FLT1: variants seen among roughly 807,000 people sequenced by gnomAD.
The protein encoded by FLT1 is vascular endothelial growth factor receptor 1.
Under a neutral mutation model 156.3 loss-of-function variants are expected in FLT1, and 49 were observed. The observed-to-expected ratio is 0.31, with a 90% CI of 0.25 to 0.40. The LOEUF is 0.40. Ranked by LOEUF, FLT1 falls within the 10% of genes least tolerant of loss-of-function variation. The probability of loss-of-function intolerance (pLI) is 1.00; values close to 1 mark genes in which losing one functional copy is unlikely to be tolerated. For missense variants in FLT1, 1,322 were observed against 1,637.2 expected, an observed-to-expected ratio of 0.81 and a Z score of 3.32; for synonymous variants, 594 against 583.8, an observed-to-expected ratio of 1.02 and a Z score of -0.25.
chr13:28,465,858 G>A (rs1237909620), intron 3 of FLT1, among the ~76,000 whole-genome samples: 2 of 142,610 alleles, frequency 1.4e-5, no homozygotes, highest in Non-Finnish European at 1.5e-5. Context: ...AAACAACAAC[G>A]AAAAAGAACT....
intron 14 of FLT1, among the ~76,000 whole-genome samples, chr13:28,374,813 C>T (rs1463738268): frequency 6.6e-6 from 1 of 152,072 alleles, no homozygotes; most frequent in Non-Finnish European, 1.5e-5. Context: ...GTGCCCGGCC[C>T]TCCTATTTCT....
At chr13:28,319,826 G>A in intron 23 of FLT1, among the ~76,000 whole-genome samples, 1 of 152,124 alleles carries the variant, frequency 6.6e-6, no homozygotes, top group South Asian at 2.1e-4. Context: ...CACAAAGAAA[G>A]CCTGCACTCC....
At chr13:28,319,152 T>C (rs1871333157) in intron 24 of FLT1, among the ~76,000 whole-genome samples, 1 of 152,164 alleles carries the variant, frequency 6.6e-6, no homozygotes, top group Non-Finnish European at 1.5e-5. Context: ...GTACTTTGCT[T>C]CAGACTTTAT....
At chr13:28,318,425 G>C (rs998504180) in intron 24 of FLT1, among the ~76,000 whole-genome samples, 1 of 152,202 alleles carries the variant, frequency 6.6e-6, no homozygotes, top group East Asian at 1.9e-4. Context: ...TTTCCTTTTG[G>C]GGGGATTCTT....
chr13:28,332,304 G>A (rs1377858753), intron 18 of FLT1, among the ~76,000 whole-genome samples: 1 of 152,024 alleles, frequency 6.6e-6, no homozygotes, highest in Non-Finnish European at 1.5e-5. Flanking sequence ...CCTCTTTGGA[G>A]GAAAAAAACC....
intron 3 of FLT1, among the ~76,000 whole-genome samples, chr13:28,444,368 G>A (rs749513821): frequency 6.6e-6 from 1 of 151,656 alleles, no homozygotes; most frequent in Non-Finnish European, 1.5e-5. Flanking sequence ...TTGAACCCAG[G>A]AGGCAGATGT....
Position 28,301,654 on chromosome 13 carries a change from A to G in FLT1, c.*1513T>C, listed in dbSNP as rs1388805527. The G allele has an allele frequency of 1.3e-5, 3 of 233,100 alleles. No homozygotes were observed. Among genetic ancestry groups the G allele is most frequent in the African/African-American group, 2.2e-5 (1 of 45,326 alleles). 14.4% of individuals were successfully genotyped at this position (233,100 alleles called of 1,614,324 possible). A position where few individuals can be genotyped will look rare whatever the true frequency, so the allele number is the denominator to read the frequency against. On this transcript the variant is annotated 3_prime_UTR_variant, in exon 30 of 30. Coordinates refer to ENST00000282397, the MANE Select transcript of FLT1 (RefSeq NM_002019.4). ...TGGCTGCAGAAGGTGCAGACATCAT[A>G]AATACATAGACCCTAACTTGCATAA...
intron 14 of FLT1, among the ~76,000 whole-genome samples, chr13:28,370,097 G>A (rs941324946): frequency 2.1e-4 from 32 of 152,024 alleles, no homozygotes; most frequent in African/African-American, 6.8e-4. Flanking sequence ...AGCTACTTGG[G>A]GAGGTGGGAG....
intron 27 of FLT1, among the ~76,000 whole-genome samples, chr13:28,309,166 C>T (rs1223298573): frequency 1.3e-5 from 2 of 152,176 alleles, no homozygotes; most frequent in Non-Finnish European, 2.9e-5. Context: ...GAGGGACCTA[C>T]TCTGGTCCGT....
In FLT1 at chr13:28,397,038, T is replaced by G; in HGVS notation, c.1582A>C (p.Arg528=). 1 of 1,613,728 alleles carries G rather than the reference T, an allele frequency of 6.2e-7. No homozygotes were observed. The highest frequency in any genetic ancestry group is 8.5e-7 in the Non-Finnish European group (1 of 1,179,652). The change falls in exon 12 of 30, where the codon AGA becomes CGA. Residue 528 remains arginine (R), a synonymous_variant. Coordinates refer to ENST00000282397, the MANE Select transcript of FLT1 (RefSeq NM_002019.4). ...ATGCAAATGTAGATTCCAGAAATTC[T>G]AGAGTCAGCCACAACCAAGGTGCTA... The part of the protein sequence containing the change: ...MASTLVVADS[R]ISGIYICIAS...
intron 1 of FLT1, among the ~76,000 whole-genome samples, chr13:28,481,027 G>A (rs190294033): frequency 3.3e-5 from 5 of 152,316 alleles, no homozygotes; most frequent in African/African-American, 9.6e-5. Flanking sequence ...CCAGAGCCAA[G>A]AGGAAATAAT....
At chr13:28,481,943 T>C (rs2137656734) in intron 1 of FLT1, among the ~76,000 whole-genome samples, 1 of 152,350 alleles carries the variant, frequency 6.6e-6, no homozygotes, top group East Asian at 1.9e-4. Context: ...ACCATATCTA[T>C]ACCTCAAAAT....
At chr13:28,458,544 G>T (rs1471498467) in intron 3 of FLT1, among the ~76,000 whole-genome samples, 1 of 152,190 alleles carries the variant, frequency 6.6e-6, no homozygotes, top group Non-Finnish European at 1.5e-5. Flanking sequence ...CATCCTAGGA[G>T]AATACAGGGT....
At chr13:28,368,702 G>GC in intron 14 of FLT1, 1 of 660,268 alleles carries the variant, frequency 1.5e-6, no homozygotes. Flanking sequence ...TAGATTGGCA[G>GC]CTTTTTTTTT....
intron 12 of FLT1, among the ~76,000 whole-genome samples, chr13:28,393,680 G>A (rs9551466): frequency 0.58 from 88,187 of 151,986 alleles, 27,433 homozygotes; most frequent in Admixed American, 0.72. Flanking sequence ...TCGACCTCCT[G>A]GGCTCAAGTG....
chr13:28,380,549 A>G (rs529769425), intron 14 of FLT1, among the ~76,000 whole-genome samples: 1 of 152,234 alleles, frequency 6.6e-6, no homozygotes, highest in Non-Finnish European at 1.5e-5. Flanking sequence ...GCTGAACTTA[A>G]TAAGTGCTAA....
chr13:28,387,621 C>T (rs373410893), intron 13 of FLT1: 11 of 1,064,770 alleles, frequency 1.0e-5, no homozygotes, highest in African/African-American at 1.6e-5. Context: ...TTCTATCCTC[C>T]GTTTGGAATG....
rs183900477 is a variant in FLT1, at chr13:28,423,112, G to A, written c.1436+4047C>T. On this transcript the variant is annotated intron_variant, in intron 10 of 29. Coordinates refer to ENST00000282397, the MANE Select transcript of FLT1 (RefSeq NM_002019.4). The stretch of plus-strand genomic sequence containing the variant: ...CTACTTAGTTGTTCAAAATGCAGGC[G>A]GAACGTGAAGTTCTAGAAATTGAAA... 1.9e-3 allele frequency among the ~76,000 whole-genome samples: 288 copies of A among 152,240 alleles called. 3 individuals carry two copies. Among genetic ancestry groups the A allele is most frequent in the Non-Finnish European group, 1.9e-3 (129 of 68,020 alleles).
intron 15 of FLT1, among the ~76,000 whole-genome samples, chr13:28,354,680 G>T (rs1238246006): frequency 6.6e-6 from 1 of 151,930 alleles, no homozygotes; most frequent in Non-Finnish European, 1.5e-5. Context: ...AAGCAAAAAA[G>T]GTTGGATATA....
Sources: allele counts gnomAD v4.1 joint callset (sites outside exome capture counted in the v4.1 genomes callset), GRCh38; gene constraint gnomAD v4.1.1; transcripts MANE v1.5; gene names NCBI Gene and HGNC (gene_info 2026-07-23, HGNC 2026-07-21).